ATP8B1: variants seen among roughly 807,000 people sequenced by gnomAD.
The protein encoded by ATP8B1 is ATPase phospholipid transporting 8B1.
ATP8B1 carries 80 observed loss-of-function variants against 149.9 expected under a neutral mutation model. The observed-to-expected ratio is 0.53, with a 90% CI of 0.45 to 0.64. The LOEUF is 0.64. ATP8B1 is among the 30% of genes least tolerant of loss of function. The pLI, the probability that ATP8B1 is intolerant of heterozygous loss-of-function variation, is 0.00. For missense variants in ATP8B1, 1,247 were observed against 1,552.6 expected (o/e 0.80, Z 3.31); for synonymous variants, 536 against 562.8 (o/e 0.95, Z 0.67).
At chr18:57,651,524 C>T (rs1400607374) in intron 26 of ATP8B1, among the ~76,000 whole-genome samples, 1 of 152,202 alleles carries the variant, frequency 6.6e-6, no homozygotes, top group African/African-American at 2.4e-5. Context: ...TTGTCTTCCT[C>T]CCATCATGTT....
intron 1 of ATP8B1, among the ~76,000 whole-genome samples, chr18:57,775,893 C>T (rs993090486): frequency 6.6e-6 from 1 of 152,194 alleles, no homozygotes; most frequent in Non-Finnish European, 1.5e-5. Flanking sequence ...ATCCGCCTGC[C>T]TTGGCCTCCC....
intron 11 of ATP8B1, 75 bp from the exon 12 acceptor site, chr18:57,692,072 A>G: frequency 6.4e-7 from 1 of 1,551,070 alleles, no homozygotes; most frequent in African/African-American, 1.4e-5. Context: ...ATGCTAATTA[A>G]CCTTACTCAA....
intron 2 of ATP8B1, among the ~76,000 whole-genome samples, chr18:57,728,875 A>G (rs2079733234): frequency 6.6e-6 from 1 of 151,922 alleles, no homozygotes; most frequent in African/African-American, 2.4e-5. Context: ...GTGCACCACC[A>G]TGCCGGGCTA....
At chr18:57,793,268 G>C (rs1178033239) in intron 1 of ATP8B1, among the ~76,000 whole-genome samples, 2 of 152,034 alleles carry the variant, frequency 1.3e-5, no homozygotes, top group Non-Finnish European at 2.9e-5. Flanking sequence ...CAAAATAAAA[G>C]TTGCACGTAT....
Position 57,726,953 on chromosome 18 carries a change from G to A in ATP8B1, c.181+4674C>T, listed in dbSNP as rs1369729303. Among the ~76,000 whole-genome samples, 7 of 152,214 alleles carry A rather than the reference G, an allele frequency of 4.6e-5. No individual in the cohort carries two copies. In the East Asian group the frequency reaches 1.4e-3, roughly 29 times the overall value. On this transcript the variant is annotated intron_variant, in intron 2 of 27. Coordinates refer to ENST00000648908, the MANE Select transcript of ATP8B1 (RefSeq NM_001374385.1). ...AAATTAGCTGGGCGTGATGGCGGGCGCCGGTAATCCCAGCTACTCGGGAGG... is the reference window on the plus strand; with the variant it reads ...AAATTAGCTGGGCGTGATGGCGGGCACCGGTAATCCCAGCTACTCGGGAGG...
Position 57,667,161 on chromosome 18 carries a change from G to A in ATP8B1, c.2216C>T (p.Ala739Val). 6.2e-7 allele frequency: 1 copy of A among 1,609,316 alleles called. No homozygotes were observed. Among genetic ancestry groups the A allele is most frequent in the African/African-American group, 1.3e-5 (1 of 74,890 alleles). ...TTCACAAGCAAATCCTATATTTTCA[G>A]CAGTTTCTACAATAGAATAAAATTA... is the stretch of plus-strand genomic sequence containing the variant. ...WVLTGDKKET[A>V]ENIGFACELL... The change falls in exon 20 of 28, where the codon GCT (alanine) becomes GTT (valine). Residue 739 changes from alanine (A) to valine (V), a missense_variant. Around this residue, in one of 3 missense-constraint regions of ATP8B1, gnomAD observed 853 missense variants for 1,035.7 expected, o/e 0.82. Coordinates refer to ENST00000648908, the MANE Select transcript of ATP8B1 (RefSeq NM_001374385.1).
intron 1 of ATP8B1, among the ~76,000 whole-genome samples, chr18:57,783,222 G>T (rs750875417): frequency 6.6e-6 from 1 of 152,166 alleles, no homozygotes; most frequent in East Asian, 1.9e-4. Flanking sequence ...TCTACAGAGA[G>T]ACTATAAAGT....
chr18:57,757,849 T>G (rs1018863495), intron 1 of ATP8B1, among the ~76,000 whole-genome samples: 4 of 152,356 alleles, frequency 2.6e-5, no homozygotes, highest in African/African-American at 7.2e-5. Flanking sequence ...GGAGCATATC[T>G]CATAGAATAC....
intron 2 of ATP8B1, among the ~76,000 whole-genome samples, chr18:57,716,093 A>C (rs558236932): frequency 1.8e-4 from 27 of 152,300 alleles, no homozygotes; most frequent in South Asian, 6.2e-4. Flanking sequence ...CAGAGGGAGG[A>C]AGTTAAAGTG....
chr18:57,657,908 T>A (rs1459196867), intron 22 of ATP8B1, among the ~76,000 whole-genome samples: 1 of 152,176 alleles, frequency 6.6e-6, no homozygotes, highest in Non-Finnish European at 1.5e-5. Context: ...TAAGGTAACA[T>A]TGGTCTTTTT....
intron 20 of ATP8B1, among the ~76,000 whole-genome samples, chr18:57,663,085 C>T (rs1184788585): frequency 2.0e-5 from 3 of 152,084 alleles, no homozygotes; most frequent in Non-Finnish European, 2.9e-5. Flanking sequence ...AACAATAACA[C>T]CTCACCTCAC....
chr18:57,734,705 T>C (rs1019163155), intron 1 of ATP8B1, among the ~76,000 whole-genome samples: 1 of 152,192 alleles, frequency 6.6e-6, no homozygotes, highest in African/African-American at 2.4e-5. Flanking sequence ...TTCCTAGCAC[T>C]ACTGGTCCTC....
At chr18:57,736,838 C>A (rs1294734346) in intron 1 of ATP8B1, among the ~76,000 whole-genome samples, 1 of 151,982 alleles carries the variant, frequency 6.6e-6, no homozygotes, top group Non-Finnish European at 1.5e-5. Context: ...GGATTTATTT[C>A]TGGGTTCCCT....
Position 57,691,752 on chromosome 18 carries a change from G to A in ATP8B1, c.1220+55C>T, listed in dbSNP as rs1276202926. Reference sequence around the variant, plus strand: ...CACTAGAAATGAAGGCACTATGTTGGGAGAAGGTACAACATTCTTCCATTA... The same window carrying A: ...CACTAGAAATGAAGGCACTATGTTGAGAGAAGGTACAACATTCTTCCATTA... On this transcript the variant is annotated intron_variant, in intron 12 of 27. Transcript: ENST00000648908. 9 of 1,592,280 alleles carry A rather than the reference G, an allele frequency of 5.7e-6. No homozygotes were observed. The African/African-American group carries it at 1.2e-4, about 21-fold the overall frequency.
chr18:57,773,201 TAAA>T (rs34028925), intron 1 of ATP8B1, among the ~76,000 whole-genome samples: 1 of 139,442 alleles, frequency 7.2e-6, no homozygotes, highest in African/African-American at 2.7e-5. Flanking sequence ...GACTCTGTCT[TAAA>T]AAAAAAAAAA....
chr18:57,795,877 A>AG (rs11384482), intron 1 of ATP8B1, among the ~76,000 whole-genome samples: 44,016 of 122,446 alleles, frequency 0.36, 6,690 homozygotes, highest in African/African-American at 0.46. Context: ...TTTTACATTT[A>AG]AAAAAAAAAA....
Position 57,688,221 on chromosome 18 carries a change from A to G in ATP8B1, c.1429+78T>C, listed in dbSNP as rs78919220. The G allele has an allele frequency of 7.4e-3, 10,844 of 1,460,852 alleles. 57 individuals carry two copies. The highest frequency in any genetic ancestry group is 9.2e-3 in the Non-Finnish European group (9,594 of 1,043,214). The allele number at this position is 1,460,852 out of a possible 1,614,324, so 90.5% of individuals were successfully genotyped here. ...GAGGGCACCAGCAATGCCAGGAGACAGGCTATAGTCCAAGTAATGACCTGC... is the reference window on the plus strand; with the variant it reads ...GAGGGCACCAGCAATGCCAGGAGACGGGCTATAGTCCAAGTAATGACCTGC... On this transcript the variant is annotated intron_variant, in intron 13 of 27. Transcript: ENST00000648908.
chr18:57,702,916 A>T (rs1165814989), intron 4 of ATP8B1, among the ~76,000 whole-genome samples: 2 of 151,900 alleles, frequency 1.3e-5, no homozygotes, highest in Non-Finnish European at 2.9e-5. Context: ...AGACAAAAAG[A>T]TCCTTCTTCC....
intron 1 of ATP8B1, among the ~76,000 whole-genome samples, chr18:57,771,783 C>A (rs892478548): frequency 6.6e-5 from 10 of 152,078 alleles, no homozygotes; most frequent in Admixed American, 2.0e-4. Flanking sequence ...TGTCAAAGGG[C>A]ACACTTAGCA....
Sources: allele counts gnomAD v4.1 joint callset (sites outside exome capture counted in the v4.1 genomes callset), GRCh38; gene constraint gnomAD v4.1.1; regional missense constraint gnomAD v4.1.1; transcripts MANE v1.5; gene names NCBI Gene and HGNC (gene_info 2026-07-23, HGNC 2026-07-21).